MTMR10: variants seen among roughly 807,000 people sequenced by gnomAD.
The protein encoded by MTMR10 is myotubularin related protein 10.
In MTMR10, 56 loss-of-function variants were observed where a neutral mutation model predicts 88.1. The observed-to-expected ratio is 0.64, with a 90% CI of 0.51 to 0.79. The LOEUF is 0.79. Among genes scored for constraint, MTMR10 ranks in the 30% least tolerant of loss-of-function variants. The probability of loss-of-function intolerance (pLI) is 0.00; values close to 1 mark genes in which losing one functional copy is unlikely to be tolerated. For synonymous variants in MTMR10, 380 were observed against 340.9 expected, an observed-to-expected ratio of 1.11 and a Z score of -1.26; for missense variants, 883 against 924.7, an observed-to-expected ratio of 0.95 and a Z score of 0.58.
At chr15:30,921,308 C>T in the MTMR10 span, among the ~76,000 whole-genome samples, 5 of 152,142 alleles carry the variant, frequency 3.3e-5, no homozygotes, top group African/African-American at 1.2e-4. Context: ...CCTTGTGAGA[C>T]TTGGCAGGTC....
Position 30,941,917 on chromosome 15 carries a change from C to A in MTMR10, c.1887G>T (p.Gln629His), listed in dbSNP as rs1400493880. The change falls in exon 16 of 16, where the codon CAG (glutamine) becomes CAT (histidine). Residue 629 changes from glutamine to histidine, a missense_variant. Transcript: ENST00000435680. ...GTTTGGAAAACCATTCTCTAAAATA[C>A]TGCTCCGTATCACTGTTCTGGCTGT... ...QTDSQNSDTE[Q>H]YFREWFSKPA... 6.2e-7 allele frequency: 1 copy of A among 1,613,954 alleles called. No homozygotes were observed. Among genetic ancestry groups the A allele is most frequent in the African/African-American group, 1.3e-5 (1 of 74,936 alleles).
intron 6 of MTMR10, among the ~76,000 whole-genome samples, chr15:30,962,132 C>T (rs1037319861): frequency 3.3e-5 from 5 of 152,318 alleles, no homozygotes; most frequent in African/African-American, 1.2e-4. Context: ...ATGAAGATTA[C>T]AGCAGGGCAG....
rs1475082809 is a variant in MTMR10 at position 30,941,850 on chromosome 15, T to C, written c.1954A>G (p.Thr652Ala). The change falls in exon 16 of 16, where the codon ACA (threonine) becomes GCA (alanine). Residue 652 changes from threonine (T) to alanine (A), a missense_variant. Coordinates refer to ENST00000435680, the MANE Select transcript of MTMR10 (RefSeq NM_017762.3). ...CACAGTTTCCACAGTTTTATGTGTG[T>C]TCCAGAGACACGTGGCAGAATAACA... ...HGVILPRVSG[T>A]HIKLWKLCYF... 6.2e-7 allele frequency: 1 copy of C among 1,614,040 alleles called. No individual in the cohort carries two copies. Among genetic ancestry groups the C allele is most frequent in the Admixed American group, 1.7e-5 (1 of 60,024 alleles).
chr15:30,936,996 TTACAAA>T (rs2062873457), downstream of MTMR10: 2 of 765,676 alleles, frequency 2.6e-6, no homozygotes, highest in Non-Finnish European at 4.3e-6. Flanking sequence ...TGTGTTACAC[TTACAAA>T]TACAGTGAGA....
At chr15:30,966,438 T>A (rs1347650362) in intron 6 of MTMR10, among the ~76,000 whole-genome samples, 1 of 152,190 alleles carries the variant, frequency 6.6e-6, no homozygotes, top group African/African-American at 2.4e-5. Flanking sequence ...AAGTTATGGA[T>A]CTGTAAACTG....
intron 6 of MTMR10, among the ~76,000 whole-genome samples, chr15:30,967,396 A>C (rs893762175): frequency 6.6e-6 from 1 of 152,220 alleles, no homozygotes; most frequent in South Asian, 2.1e-4. Context: ...AAAGCTGTCT[A>C]GAATATACTT....
At chr15:30,948,610 T>G (rs1341260975) in intron 12 of MTMR10, 139 bp from the exon 13 acceptor site, 1 of 760,266 alleles carries the variant, frequency 1.3e-6, no homozygotes, top group Non-Finnish European at 2.1e-6. Flanking sequence ...TTTTACTGGA[T>G]TCCAGCAACT....
chr15:30,950,196 C>T (rs999301813), intron 12 of MTMR10: 2 of 152,128 alleles, frequency 1.3e-5, no homozygotes, highest in African/African-American at 4.8e-5. Flanking sequence ...TGAGAACACC[C>T]ACTGGATGAG....
chr15:30,969,142 A>AGCATGT (rs2063507255), intron 5 of MTMR10, among the ~76,000 whole-genome samples: 1 of 152,262 alleles, frequency 6.6e-6, no homozygotes, highest in South Asian at 2.1e-4. Flanking sequence ...TTAACCAGTA[A>AGCATGT]GCATGTGTCA....
At chr15:30,931,032 G>A in the MTMR10 span, among the ~76,000 whole-genome samples, 6 of 152,164 alleles carry the variant, frequency 3.9e-5, no homozygotes, top group South Asian at 2.1e-4. Context: ...GAAGCTTACC[G>A]ATAATTGTAC....
intron 2 of MTMR10, among the ~76,000 whole-genome samples, chr15:30,989,302 GATTA>G (rs1336504514): frequency 6.6e-6 from 1 of 152,074 alleles, no homozygotes; most frequent in Non-Finnish European, 1.5e-5. Flanking sequence ...AAGTACAAAT[GATTA>G]ATTAGTACAC....
chr15:30,943,073 C>T lies in MTMR10; in HGVS notation c.1549-1G>A. ...GGATGTTTTTGCTTATAGCAAATTC[C>T]TGCAAAATAAATAAATAAATATTTG... On this transcript the variant is annotated splice_acceptor_variant, in intron 14 of 15. Coordinates refer to ENST00000435680, the MANE Select transcript of MTMR10 (RefSeq NM_017762.3). LOFTEE classifies it high-confidence loss of function. The T allele has an allele frequency of 6.6e-7, 1 of 1,525,140 alleles. No homozygotes were observed. Among genetic ancestry groups the T allele is most frequent in the Non-Finnish European group, 8.8e-7 (1 of 1,139,732 alleles). 94.5% of individuals were successfully genotyped at this position (1,525,140 alleles called of 1,614,324 possible).
the MTMR10 span, among the ~76,000 whole-genome samples, chr15:30,923,999 T>C: frequency 5.3e-5 from 8 of 152,178 alleles, no homozygotes; most frequent in Non-Finnish European, 8.8e-5. Context: ...ACGCCCCGCT[T>C]TCCCTTCCCC....
At chr15:30,979,848 T>C (rs2030438056) in intron 2 of MTMR10, among the ~76,000 whole-genome samples, 1 of 152,236 alleles carries the variant, frequency 6.6e-6, no homozygotes, top group Non-Finnish European at 1.5e-5. Context: ...GTCCAACGGA[T>C]GGTAAACCAT....
chr15:30,986,186 G>A (rs377751315), intron 2 of MTMR10, among the ~76,000 whole-genome samples: 12 of 151,928 alleles, frequency 7.9e-5, no homozygotes, highest in African/African-American at 2.7e-4. Flanking sequence ...GTGTGGTGGC[G>A]CACGTCTGTA....
intron 11 of MTMR10, among the ~76,000 whole-genome samples, chr15:30,952,825 TA>T (rs1159652558): frequency 3.3e-5 from 5 of 152,110 alleles, no homozygotes; most frequent in Non-Finnish European, 7.4e-5. Flanking sequence ...AGACTTGCTC[TA>T]TCACCCAGGC....
At chr15:30,932,930 C>T in the MTMR10 span, among the ~76,000 whole-genome samples, 1 of 150,624 alleles carries the variant, frequency 6.6e-6, no homozygotes, top group African/African-American at 2.4e-5. Flanking sequence ...GCCATGTTGG[C>T]CAGGCTGGTC....
chr15:30,943,205 TTTCAC>T, intron 14 of MTMR10, 133 bp from the exon 15 acceptor site: 1 of 1,411,074 alleles, frequency 7.1e-7, no homozygotes. Flanking sequence ...AGAGTGGCAC[TTTCAC>T]TTCAAGAGAG....
At chr15:30,942,594 C>T (rs1391522812) in intron 15 of MTMR10, 1 of 384,266 alleles carries the variant, frequency 2.6e-6, no homozygotes, top group Admixed American at 4.2e-5. Context: ...GCGGCATTCC[C>T]TGCCACAGTG....
Sources: gnomAD v4.1 joint callset for allele counts (sites outside exome capture counted in the v4.1 genomes callset) on GRCh38, gnomAD v4.1.1 for gene constraint, MANE v1.5 for transcripts, NCBI Gene and HGNC (gene_info 2026-07-23, HGNC 2026-07-21) for gene names.